HERC5: variants seen among roughly 807,000 people sequenced by gnomAD.
The protein encoded by HERC5 is HECT and RLD domain containing E3 ubiquitin protein ligase 5.
HERC5 carries 99 observed loss-of-function variants against 119.6 expected under a neutral mutation model. That is an observed-to-expected ratio of 0.83 (90% CI 0.70 to 0.98). HERC5 has a LOEUF of 0.98. Ranked by LOEUF, HERC5 falls within the 50% of genes least tolerant of loss-of-function variation. The probability of loss-of-function intolerance (pLI) is 0.00; values close to 1 mark genes in which losing one functional copy is unlikely to be tolerated. For missense variants in HERC5, 1,267 were observed against 1,241.3 expected, an observed-to-expected ratio of 1.02 and a Z score of -0.31; for synonymous variants, 478 against 445.9, an observed-to-expected ratio of 1.07 and a Z score of -0.91.
At chr4:88,477,998 G>A (rs1741143609) in intron 12 of HERC5, among the ~76,000 whole-genome samples, 2 of 152,144 alleles carry the variant, frequency 1.3e-5, no homozygotes, top group South Asian at 4.1e-4. Context: ...TCTGCACAAA[G>A]AATGTGATTA....
intron 9 of HERC5, among the ~76,000 whole-genome samples, chr4:88,469,648 A>T (rs1316847936): frequency 6.6e-6 from 1 of 152,204 alleles, no homozygotes; most frequent in African/African-American, 2.4e-5. Flanking sequence ...CTTCAACTGG[A>T]TGAGGCTCAC....
chr4:88,460,041 C>T (rs1391953057), intron 2 of HERC5, 54 bp from the exon 3 acceptor site: 26 of 981,516 alleles, frequency 2.6e-5, no homozygotes, highest in Middle Eastern at 2.2e-4. Flanking sequence ...TTCTAAAATC[C>T]ATGTTGTAAC....
intron 20 of HERC5, among the ~76,000 whole-genome samples, chr4:88,503,704 T>G (rs1742014551): frequency 6.6e-6 from 1 of 152,236 alleles, no homozygotes; most frequent in Non-Finnish European, 1.5e-5. Flanking sequence ...TTCCCTTCTT[T>G]GACTTTAATC....
Position 88,463,602 on chromosome 4 carries a change from T to G in HERC5, c.759T>G (p.Ser253=). The G allele has an allele frequency of 6.2e-7, 1 of 1,613,614 alleles. No homozygotes were observed. The highest frequency in any genetic ancestry group is 8.5e-7 in the Non-Finnish European group (1 of 1,179,650). Residue 253 remains serine, a synonymous_variant, in exon 5 of 23, where the codon TCT becomes TCG. Transcript: ENST00000264350. ...QKVEFVACGG[S]HSALLTQDGL... is the part of the protein sequence containing the mutation. Reference sequence around the variant, plus strand: ...TTGAATTTGTCGCTTGTGGTGGCTCTCACAGTGCCCTACTCACACAGGTGG... The same window carrying G: ...TTGAATTTGTCGCTTGTGGTGGCTCGCACAGTGCCCTACTCACACAGGTGG...
chr4:88,457,250 T>G lies in HERC5; in HGVS notation c.-20T>G. On this transcript the variant is annotated 5_prime_UTR_variant, in exon 1 of 23. Coordinates refer to ENST00000264350, the MANE Select transcript of HERC5 (RefSeq NM_016323.4). ...CGTTCTCTCCTCTCGCCTCTGGGCC[T>G]GGGACCCCGCAAAGCGGCGATGGAG... 1.5e-6 allele frequency: 2 copies of G among 1,321,974 alleles called. No homozygotes were observed. Among genetic ancestry groups the G allele is most frequent in the Non-Finnish European group, 1.9e-6 (2 of 1,036,472 alleles). 81.9% of individuals were successfully genotyped at this position (1,321,974 alleles called of 1,614,324 possible).
chr4:88,502,928 G>T (rs1249039912), intron 20 of HERC5, among the ~76,000 whole-genome samples: 2 of 151,326 alleles, frequency 1.3e-5, no homozygotes, highest in African/African-American at 4.9e-5. Context: ...TATATGTACT[G>T]CAGATATCTT....
At chr4:88,491,744 G>C (rs1361619282) in intron 16 of HERC5, among the ~76,000 whole-genome samples, 1 of 152,066 alleles carries the variant, frequency 6.6e-6, no homozygotes, top group Non-Finnish European at 1.5e-5. Context: ...GCCCGTGTTT[G>C]TATTGGAGAC....
At position 88,505,963 on chromosome 4, in the gene HERC5, T is replaced by C; in HGVS notation, c.*85T>C. ...GTTGTTGTTTCTCTACTTTGTTTTG[T>C]TTTAGGCTTTTAGCAGCCTGAAGCC... On this transcript the variant is annotated 3_prime_UTR_variant, in exon 23 of 23. Transcript: ENST00000264350. The C allele has an allele frequency of 6.6e-6, 7 of 1,060,668 alleles. No individual in the cohort carries two copies. The highest frequency in any genetic ancestry group is 2.4e-5 in the Admixed American group (1 of 42,322). 65.7% of individuals were successfully genotyped at this position (1,060,668 alleles called of 1,614,324 possible).
At chr4:88,495,143 C>A (rs1037366008) in intron 18 of HERC5, among the ~76,000 whole-genome samples, 2 of 152,134 alleles carry the variant, frequency 1.3e-5, no homozygotes, top group African/African-American at 4.8e-5. Context: ...GTAATATATA[C>A]TGTATTTATA....
At chr4:88,470,713 A>C in intron 10 of HERC5, 40 bp downstream of exon 10, 1 of 910,748 alleles carries the variant, frequency 1.1e-6, no homozygotes, top group Non-Finnish European at 1.7e-6. Flanking sequence ...AATTGTATTA[A>C]GAGTACCGTG....
At chr4:88,486,047 AATT>A in intron 13 of HERC5, 65 bp from the exon 14 acceptor site, 1 of 826,232 alleles carries the variant, frequency 1.2e-6, no homozygotes, top group South Asian at 1.6e-5. Flanking sequence ...CTGATAATCT[AATT>A]AACAGCTATT....
chr4:88,492,212 C>CA (rs1741662022), intron 16 of HERC5, among the ~76,000 whole-genome samples: 1 of 151,590 alleles, frequency 6.6e-6, no homozygotes, highest in African/African-American at 2.4e-5. Flanking sequence ...CCATGTTGGC[C>CA]AGACTGGTCA....
intron 11 of HERC5, among the ~76,000 whole-genome samples, chr4:88,475,548 A>C (rs534759162): frequency 6.6e-6 from 1 of 151,708 alleles, no homozygotes; most frequent in Non-Finnish European, 1.5e-5. Flanking sequence ...CGATCTCCTG[A>C]CCTTGTGATC....
Position 88,486,201 on chromosome 4 carries a change from C to G in HERC5, c.1824C>G (p.Cys608Trp). ...GTCTCAATTTTTTTGTAGAAGTATG[C>G]AGAAGGTACTTGTGGAAAATGACTG... ...LHRLNFFVEV[C>W]RRYLWKMTVD... The change falls in exon 14 of 23, where the codon TGC becomes TGG. Residue 608 changes from cysteine to tryptophan, a missense_variant. By Grantham distance (215) the Cys-to-Trp change is radical (BLOSUM62 -2). Around this residue, in one of 3 missense-constraint regions of HERC5, gnomAD observed 777 missense variants for 758.0 expected, o/e 1.03. Coordinates refer to ENST00000264350, the MANE Select transcript of HERC5 (RefSeq NM_016323.4). 1 of 1,609,034 alleles carries G rather than the reference C, an allele frequency of 6.2e-7. No homozygotes were observed. The highest frequency in any genetic ancestry group is 8.5e-7 in the Non-Finnish European group (1 of 1,176,248).
chr4:88,458,198 T>G, intron 1 of HERC5: 2 of 455,174 alleles, frequency 4.4e-6, no homozygotes, highest in Non-Finnish European at 2.9e-6. Flanking sequence ...GAATATTGAA[T>G]AAGAATAGCC....
chr4:88,470,053 A>G (rs1306450868), intron 9 of HERC5, among the ~76,000 whole-genome samples: 1 of 152,214 alleles, frequency 6.6e-6, no homozygotes, highest in East Asian at 1.9e-4. Context: ...AGGTTTACAG[A>G]ACTCCTACCT....
At chr4:88,472,239 G>A (rs1740899307) in intron 10 of HERC5, among the ~76,000 whole-genome samples, 170 bp from the exon 11 acceptor site, 2 of 151,862 alleles carry the variant, frequency 1.3e-5, no homozygotes, top group African/African-American at 4.8e-5. Flanking sequence ...ATATTTTTTG[G>A]TATTTTAGAA....
chr4:88,463,415 T>C, intron 4 of HERC5, 117 bp from the exon 5 acceptor site: 1 of 667,278 alleles, frequency 1.5e-6, no homozygotes. Context: ...AGAGCCTTTC[T>C]TGTCAGAATA....
intron 13 of HERC5, among the ~76,000 whole-genome samples, chr4:88,484,518 C>G (rs1036413988): frequency 1.3e-5 from 2 of 152,186 alleles, no homozygotes; most frequent in African/African-American, 4.8e-5. Flanking sequence ...TGAAGGAGAG[C>G]TCTTTTGTAA....
Sources: gnomAD v4.1 joint callset for allele counts (sites outside exome capture counted in the v4.1 genomes callset) on GRCh38, gnomAD v4.1.1 for gene constraint, gnomAD v4.1.1 regional missense constraint, MANE v1.5 for transcripts, NCBI Gene and HGNC (gene_info 2026-07-23, HGNC 2026-07-21) for gene names.